Variants in SKAP1 observed in about 807,000 individuals in gnomAD.
SKAP1 encodes the protein src kinase-associated phosphoprotein 1.
In SKAP1, 44 loss-of-function variants were observed where a neutral mutation model predicts 58.5. That is an observed-to-expected ratio of 0.75 (90% CI 0.59 to 0.97). The LOEUF is 0.97. Ranked by LOEUF, SKAP1 falls within the 50% of genes least tolerant of loss-of-function variation. The probability of loss-of-function intolerance (pLI) is 0.00; values close to 1 mark genes in which losing one functional copy is unlikely to be tolerated. For missense variants in SKAP1, 390 were observed against 435.2 expected (o/e 0.90, Z 0.92); for synonymous variants, 127 against 149.7 (o/e 0.85, Z 1.11).
At chr17:48,316,138 T>A (rs1266427026) in intron 4 of SKAP1, among the ~76,000 whole-genome samples, 2 of 152,230 alleles carry the variant, frequency 1.3e-5, no homozygotes, top group Non-Finnish European at 2.9e-5. Context: ...AGTTATATTA[T>A]GCCAGTCTGT....
At chr17:48,377,842 C>G (rs568117907) in intron 2 of SKAP1, among the ~76,000 whole-genome samples, 1 of 152,260 alleles carries the variant, frequency 6.6e-6, no homozygotes, top group Non-Finnish European at 1.5e-5. Context: ...ATAGTGCCTG[C>G]ATATATTAAA....
intron 4 of SKAP1, among the ~76,000 whole-genome samples, chr17:48,218,354 G>A (rs2064964359): frequency 1.3e-5 from 2 of 152,124 alleles, no homozygotes; most frequent in Admixed American, 1.3e-4. Context: ...CATTCACACT[G>A]ATTTTACAAC....
chr17:48,403,315 C>T (rs932479722), intron 1 of SKAP1, among the ~76,000 whole-genome samples: 1 of 151,778 alleles, frequency 6.6e-6, no homozygotes, highest in African/African-American at 2.4e-5. Context: ...TTGCAGAGAG[C>T]GGTGATTAAC....
intron 4 of SKAP1, among the ~76,000 whole-genome samples, chr17:48,190,169 C>T (rs1165684079): frequency 2.7e-5 from 4 of 149,984 alleles, no homozygotes; most frequent in African/African-American, 9.8e-5. Context: ...TGCAGTGGCG[C>T]GATCTTGGCT....
chr17:48,207,096 C>T (rs1462952486), intron 4 of SKAP1, among the ~76,000 whole-genome samples: 1 of 152,076 alleles, frequency 6.6e-6, no homozygotes, highest in African/African-American at 2.4e-5. Context: ...GCTGATTACA[C>T]AAAATTCCTA....
At chr17:48,148,206 C>A (rs1228643691) in intron 11 of SKAP1, among the ~76,000 whole-genome samples, 1 of 151,970 alleles carries the variant, frequency 6.6e-6, no homozygotes, top group Non-Finnish European at 1.5e-5. Context: ...GAAATGTGTG[C>A]AAAACACAGA....
rs187925546 is a variant in SKAP1, at chr17:48,207,388, A to G, written c.281-17888T>C. On this transcript the variant is annotated intron_variant, in intron 4 of 12. Coordinates refer to ENST00000336915, the MANE Select transcript of SKAP1 (RefSeq NM_003726.4). ...GTAATCCCAGCTACTCAGGAGGCTG[A>G]GGCACAAGAATTGCTTGAGCCTGGG... Among the ~76,000 whole-genome samples, 709 of 151,492 alleles carry G rather than the reference A, an allele frequency of 4.7e-3. 3 individuals are homozygous for G. Among genetic ancestry groups the G allele is most frequent in the African/African-American group, 0.016 (664 of 41,264 alleles).
At chr17:48,154,813 C>T (rs747885827) in intron 11 of SKAP1, among the ~76,000 whole-genome samples, 2 of 152,032 alleles carry the variant, frequency 1.3e-5, no homozygotes, top group African/African-American at 2.4e-5. Context: ...AATCCCAGCA[C>T]TTTGGGAGGC....
At chr17:48,411,085 T>C (rs34791545) in intron 1 of SKAP1, among the ~76,000 whole-genome samples, 33,673 of 151,908 alleles carry the variant, frequency 0.22, 3,848 homozygotes, top group Non-Finnish European at 0.24. Flanking sequence ...TCCATACTTA[T>C]ATCAATAAAT....
the SKAP1 span, among the ~76,000 whole-genome samples, chr17:48,441,582 T>C: frequency 6.6e-6 from 1 of 152,174 alleles, no homozygotes; most frequent in Non-Finnish European, 1.5e-5. Flanking sequence ...AAGAAAATAG[T>C]TACGTGACAG....
intron 11 of SKAP1, among the ~76,000 whole-genome samples, chr17:48,149,014 C>T (rs1325818351): frequency 6.6e-6 from 1 of 152,164 alleles, no homozygotes. Context: ...CTAGAAAGCA[C>T]ACATAGGGTA....
At position 48,363,770 on chromosome 17, in the gene SKAP1, G is replaced by C. The variant is rs77455117; in HGVS notation, c.178+19C>G. On this transcript the variant is annotated intron_variant, in intron 3 of 12. Coordinates refer to ENST00000336915, the MANE Select transcript of SKAP1 (RefSeq NM_003726.4). The stretch of plus-strand genomic sequence containing the variant: ...ACACATTTTTAGCATAAAACCATAC[G>C]TGGTCAAAGAGGACTCACCTTGGGG... 5 of 1,595,584 alleles carry C rather than the reference G, an allele frequency of 3.1e-6. No individual in the cohort carries two copies. In the African/African-American group the frequency reaches 6.7e-5, roughly 22 times the overall value.
chr17:48,323,854 A>AG (rs1198148318), intron 4 of SKAP1, among the ~76,000 whole-genome samples: 1 of 152,074 alleles, frequency 6.6e-6, no homozygotes, highest in Non-Finnish European at 1.5e-5. Flanking sequence ...ACACTGCTCC[A>AG]GGGACAGATC....
intron 1 of SKAP1, among the ~76,000 whole-genome samples, chr17:48,399,133 A>C (rs547801059): frequency 1.3e-5 from 2 of 152,298 alleles, no homozygotes; most frequent in Admixed American, 6.5e-5. Context: ...TTCACAAAGG[A>C]CCACCATCAA....
At chr17:48,420,356 G>T (rs981217425) in intron 1 of SKAP1, among the ~76,000 whole-genome samples, 1 of 152,046 alleles carries the variant, frequency 6.6e-6, no homozygotes, top group African/African-American at 2.4e-5. Context: ...TTCCTCTTAG[G>T]GAAAGAACTG....
chr17:48,276,728 A>G (rs1042277288), intron 4 of SKAP1, among the ~76,000 whole-genome samples: 2 of 152,238 alleles, frequency 1.3e-5, no homozygotes, highest in African/African-American at 4.8e-5. Context: ...TGAAGGAAGC[A>G]GAGTGTAATG....
At chr17:48,326,214 C>G (rs148329878) in intron 4 of SKAP1, among the ~76,000 whole-genome samples, 22 of 152,326 alleles carry the variant, frequency 1.4e-4, no homozygotes, top group African/African-American at 4.8e-4. Flanking sequence ...ACATCCTGCT[C>G]TTTGCCAGAA....
intron 4 of SKAP1, among the ~76,000 whole-genome samples, chr17:48,312,807 G>A (rs1292358878): frequency 6.6e-6 from 1 of 152,110 alleles, no homozygotes; most frequent in African/African-American, 2.4e-5. Flanking sequence ...ACGTTTTATT[G>A]TTATTCTGTA....
intron 2 of SKAP1, among the ~76,000 whole-genome samples, chr17:48,373,171 C>T (rs531604832): frequency 6.6e-6 from 1 of 152,286 alleles, no homozygotes; most frequent in Admixed American, 6.5e-5. Flanking sequence ...GCGGAGGCCT[C>T]AGGAAACTTA....
Sources: gnomAD v4.1 joint callset for allele counts (sites outside exome capture counted in the v4.1 genomes callset) on GRCh38, gnomAD v4.1.1 for gene constraint, MANE v1.5 for transcripts, NCBI Gene and HGNC (gene_info 2026-07-23, HGNC 2026-07-21) for gene names.